ERMP1: variants seen among roughly 807,000 people sequenced by gnomAD.
ERMP1 encodes the protein endoplasmic reticulum metallopeptidase 1.
ERMP1 carries 86 observed loss-of-function variants against 92.0 expected under a neutral mutation model. The observed-to-expected ratio is 0.93, with a 90% CI of 0.79 to 1.12. ERMP1 has a LOEUF of 1.12. Among genes scored for constraint, ERMP1 ranks in the 50% most tolerant of loss-of-function variants. ERMP1 has a pLI of 0.00. For missense variants in ERMP1, 1,342 were observed against 1,116.3 expected (o/e 1.20, Z -2.88); for synonymous variants, 530 against 412.8 (o/e 1.28, Z -3.44).
chr9:5,842,167 T>G (rs1830173105), intron 6 of ERMP1, among the ~76,000 whole-genome samples: 1 of 152,232 alleles, frequency 6.6e-6, no homozygotes, highest in Non-Finnish European at 1.5e-5. Context: ...AGCTGCTGGC[T>G]GGGGTGGCCA....
At chr9:5,826,573 G>C (rs1829738631) in intron 2 of ERMP1, among the ~76,000 whole-genome samples, 2 of 151,916 alleles carry the variant, frequency 1.3e-5, no homozygotes, top group Non-Finnish European at 2.9e-5. Context: ...TTAAATTCCA[G>C]ACCCCATTCC....
chr9:5,864,681 C>A (rs1830600226), intron 5 of ERMP1, among the ~76,000 whole-genome samples: 1 of 152,124 alleles, frequency 6.6e-6, no homozygotes, highest in Non-Finnish European at 1.5e-5. Context: ...ACCTTCCTTA[C>A]CAGGATGTAG....
At chr9:5,848,830 AAAGAGTG>A (rs1200011356) in intron 6 of ERMP1, among the ~76,000 whole-genome samples, 1 of 152,144 alleles carries the variant, frequency 6.6e-6, no homozygotes. Context: ...CACCTTTCTA[AAAGAGTG>A]AGTGGGTGAG....
intron 6 of ERMP1, among the ~76,000 whole-genome samples, chr9:5,843,343 G>C (rs1469588240): frequency 1.3e-5 from 2 of 152,150 alleles, no homozygotes; most frequent in African/African-American, 4.8e-5. Context: ...GTTAATGTTG[G>C]AAACAAATTT....
intron 4 of ERMP1, among the ~76,000 whole-genome samples, chr9:5,819,155 G>T (rs1283267880): frequency 1.3e-5 from 2 of 152,020 alleles, no homozygotes; most frequent in African/African-American, 4.8e-5. Flanking sequence ...GTCTAAAAGT[G>T]GAAACAATCC....
chr9:5,838,752 G>C (rs1830123263), intron 6 of ERMP1, among the ~76,000 whole-genome samples: 1 of 151,812 alleles, frequency 6.6e-6, no homozygotes, highest in African/African-American at 2.4e-5. Context: ...CTTTACCAAA[G>C]TCTGTTTAAT....
chr9:5,823,764 C>T, intron 4 of ERMP1, 132 bp downstream of exon 4: 1 of 674,010 alleles, frequency 1.5e-6, no homozygotes, highest in Non-Finnish European at 2.5e-6. Context: ...GACAAGCTAA[C>T]ACCACCTCAT....
chr9:5,849,808 C>T (rs1830283848), intron 6 of ERMP1, among the ~76,000 whole-genome samples: 1 of 152,186 alleles, frequency 6.6e-6, no homozygotes, highest in African/African-American at 2.4e-5. Flanking sequence ...GTTTAGCTAC[C>T]TACCAGTTGG....
chr9:5,829,847 C>T (rs1242168845), intron 2 of ERMP1, among the ~76,000 whole-genome samples: 1 of 152,170 alleles, frequency 6.6e-6, no homozygotes, highest in Non-Finnish European at 1.5e-5. Context: ...ATTGTAAATG[C>T]TATTTTCCAT....
intron 9 of ERMP1, 52 bp downstream of exon 9, chr9:5,805,559 T>A: frequency 1.4e-6 from 2 of 1,449,772 alleles, no homozygotes; most frequent in Non-Finnish European, 1.8e-6. Context: ...CCTGAAAGCC[T>A]TAAGTATTTT....
rs779406739 is a variant in ERMP1 at position 5,840,025 on chromosome 9, T to G, written n.3200-6713A>C. Among the ~76,000 whole-genome samples the G allele has an allele frequency of 7.7e-4, 118 of 152,272 alleles. 1 individual carries two copies. The highest frequency in any genetic ancestry group is 1.0e-4 in the Non-Finnish European group (7 of 68,022). On this transcript the variant is annotated intron_variant and non_coding_transcript_variant, in intron 6 of 6. Transcript: ENST00000690753. ...GGGAGGCTGAGGTGGGCGAATCACT[T>G]GAGGTCAGGAGTTTGTGACCAACCT...
chr9:5,864,129 T>G (rs138167114), intron 5 of ERMP1, among the ~76,000 whole-genome samples: 45 of 152,352 alleles, frequency 3.0e-4, no homozygotes, highest in African/African-American at 1.1e-3. Context: ...GCATGTCAAT[T>G]TGACTGTTGG....
chr9:5,854,109 G>T (rs551578938), intron 6 of ERMP1, among the ~76,000 whole-genome samples: 2 of 151,934 alleles, frequency 1.3e-5, no homozygotes, highest in South Asian at 4.2e-4. Context: ...AGGGGTTTGG[G>T]CTCCCCACTC....
chr9:5,826,598 T>C (rs180914261), intron 2 of ERMP1, among the ~76,000 whole-genome samples: 5 of 152,168 alleles, frequency 3.3e-5, no homozygotes, highest in African/African-American at 1.2e-4. Context: ...TAAGAAGAAA[T>C]TACCTATTAA....
At position 5,801,075 on chromosome 9, in the gene ERMP1, C is replaced by T. The variant is rs574523005; in HGVS notation, c.2067+101G>A. On this transcript the variant is annotated intron_variant, in intron 11 of 14. Coordinates refer to ENST00000339450, the MANE Select transcript of ERMP1 (RefSeq NM_024896.3). ...AAAAGGTGAGTATGACTAAATAGGT[C>T]AACAGCAGAAAAGTCAGCTGCGCTT... The T allele has an allele frequency of 8.6e-6, 11 of 1,274,310 alleles. No individual in the cohort carries two copies. In the African/African-American group the frequency reaches 1.5e-4, roughly 18 times the overall value. The allele number at this position is 1,274,310 out of a possible 1,614,324, so 78.9% of individuals were successfully genotyped here. A position where few individuals can be genotyped will look rare whatever the true frequency, so the allele number is the denominator to read the frequency against.
At chr9:5,810,614 T>C (rs555498533) in intron 7 of ERMP1, among the ~76,000 whole-genome samples, 1 of 152,086 alleles carries the variant, frequency 6.6e-6, no homozygotes, top group East Asian at 1.9e-4. Flanking sequence ...TAAGGTAACA[T>C]AAGAAGATAA....
intron 6 of ERMP1, among the ~76,000 whole-genome samples, chr9:5,841,963 G>A (rs10815290): frequency 0.13 from 19,550 of 152,092 alleles, 1,286 homozygotes; most frequent in Middle Eastern, 0.15. Context: ...TGGCGCATCC[G>A]GAGTTGTTTT....
At chr9:5,840,901 T>G (rs1471513086) in intron 6 of ERMP1, among the ~76,000 whole-genome samples, 2 of 152,194 alleles carry the variant, frequency 1.3e-5, no homozygotes, top group Admixed American at 6.5e-5. Flanking sequence ...TGAAAGGCAA[T>G]AGAAAATGCT....
At chr9:5,821,623 G>T (rs978049321) in intron 4 of ERMP1, among the ~76,000 whole-genome samples, 1 of 152,060 alleles carries the variant, frequency 6.6e-6, no homozygotes, top group Non-Finnish European at 1.5e-5. Flanking sequence ...GTTAACATAC[G>T]TACATAAAAT....
Sources: gnomAD v4.1 joint callset for allele counts (sites outside exome capture counted in the v4.1 genomes callset) on GRCh38, gnomAD v4.1.1 for gene constraint, MANE v1.5 for transcripts, NCBI Gene and HGNC (gene_info 2026-07-23, HGNC 2026-07-21) for gene names.